The following RBFOX1 variants were observed in gnomAD, a reference collection of about 807,000 sequenced individuals.
The protein encoded by RBFOX1 is RNA binding protein fox-1 homolog 1.
RBFOX1 carries 8 observed loss-of-function variants against 57.7 expected under a neutral mutation model. The ratio of observed to expected loss-of-function variants is 0.14; its 90% CI spans 0.08 to 0.25. The LOEUF (loss-of-function observed/expected upper bound fraction) is 0.25. Among genes scored for constraint, RBFOX1 ranks in the 10% least tolerant of loss-of-function variants. The probability of loss-of-function intolerance (pLI) is 1.00; values close to 1 mark genes in which losing one functional copy is unlikely to be tolerated. For synonymous variants in RBFOX1, 326 were observed against 222.4 expected, an observed-to-expected ratio of 1.47 and a Z score of -4.15; for missense variants, 611 against 548.5, an observed-to-expected ratio of 1.11 and a Z score of -1.14.
At chr16:6,702,131 C>G (rs900331245) in intron 3 of RBFOX1, among the ~76,000 whole-genome samples, 3 of 152,176 alleles carry the variant, frequency 2.0e-5, no homozygotes, top group Non-Finnish European at 2.9e-5. Context: ...TGGTAAATCA[C>G]TCATTACAGC....
intron 5 of RBFOX1, among the ~76,000 whole-genome samples, chr16:7,564,220 T>A (rs969616720): frequency 6.6e-6 from 1 of 151,934 alleles, no homozygotes; most frequent in African/African-American, 2.4e-5. Flanking sequence ...AGAGCTTCCC[T>A]CCCTCTTCCA....
At chr16:5,298,255 A>G (rs796093294) in intron 1 of RBFOX1, among the ~76,000 whole-genome samples, 60 of 152,330 alleles carry the variant, frequency 3.9e-4, no homozygotes, top group African/African-American at 1.4e-3. Flanking sequence ...TGTGGTTCAA[A>G]TAAAATACAT....
chr16:6,870,881 C>T (rs893689399), intron 3 of RBFOX1, among the ~76,000 whole-genome samples: 6 of 152,146 alleles, frequency 3.9e-5, no homozygotes, highest in Non-Finnish European at 7.3e-5. Flanking sequence ...CTTTGAGAGA[C>T]TTGAATTAAA....
At chr16:5,890,570 G>A (rs2058022881) in intron 4 of RBFOX1, among the ~76,000 whole-genome samples, 1 of 152,010 alleles carries the variant, frequency 6.6e-6, no homozygotes, top group African/African-American at 2.4e-5. Context: ...GGTGGCTTGT[G>A]CCTGTAATCT....
chr16:6,361,938 A>G (rs759784733), intron 2 of RBFOX1, among the ~76,000 whole-genome samples: 1 of 152,110 alleles, frequency 6.6e-6, no homozygotes, highest in Non-Finnish European at 1.5e-5. Context: ...AACACTTCTC[A>G]TGAAGTCCCT....
At chr16:6,825,583 C>G (rs1041023167) in intron 3 of RBFOX1, among the ~76,000 whole-genome samples, 1 of 152,032 alleles carries the variant, frequency 6.6e-6, no homozygotes, top group Non-Finnish European at 1.5e-5. Context: ...TTTTTGAGTT[C>G]CATTTTCTCT....
At chr16:6,855,003 C>T (rs974009313) in intron 3 of RBFOX1, among the ~76,000 whole-genome samples, 1 of 151,490 alleles carries the variant, frequency 6.6e-6, no homozygotes, top group Non-Finnish European at 1.5e-5. Context: ...GCAAAGGAGT[C>T]AGTGCCACCT....
intron 2 of RBFOX1, among the ~76,000 whole-genome samples, chr16:5,533,171 T>A (rs2044554909): frequency 1.3e-5 from 2 of 152,040 alleles, no homozygotes; most frequent in South Asian, 4.2e-4. Context: ...AAGAACGTAT[T>A]TAGAAGGTTT....
intron 3 of RBFOX1, among the ~76,000 whole-genome samples, chr16:6,731,035 C>G (rs989776363): frequency 1.3e-5 from 2 of 152,112 alleles, no homozygotes; most frequent in Admixed American, 6.6e-5. Context: ...TGTTTGCAAC[C>G]CAGATCAGAA....
chr16:6,028,373 T>A (rs2095236271), intron 1 of RBFOX1, among the ~76,000 whole-genome samples: 1 of 151,838 alleles, frequency 6.6e-6, no homozygotes, highest in Admixed American at 6.6e-5. Context: ...GGTTGATACC[T>A]CTCTTTAAGA....
intron 1 of RBFOX1, among the ~76,000 whole-genome samples, chr16:6,217,271 T>A (rs1183524847): frequency 7.3e-6 from 1 of 136,176 alleles, no homozygotes; most frequent in African/African-American, 2.7e-5. Context: ...AGAACAAAAA[T>A]GTTGCCAAAA....
At chr16:7,193,426 C>A (rs1310546243) in intron 4 of RBFOX1, among the ~76,000 whole-genome samples, 1 of 152,202 alleles carries the variant, frequency 6.6e-6, no homozygotes, top group Non-Finnish European at 1.5e-5. Flanking sequence ...AACTACAGAA[C>A]TATAAGATGG....
At chr16:5,953,638 A>G (rs911511160) in intron 4 of RBFOX1, among the ~76,000 whole-genome samples, 1 of 151,824 alleles carries the variant, frequency 6.6e-6, no homozygotes, top group East Asian at 1.9e-4. Context: ...AATAGTCTCT[A>G]ATCTCATCCA....
chr16:6,180,891 G>C (rs984713970), intron 1 of RBFOX1, among the ~76,000 whole-genome samples: 8 of 151,998 alleles, frequency 5.3e-5, no homozygotes, highest in Admixed American at 3.9e-4. Flanking sequence ...CTTCATTTCT[G>C]AAAGTTTTTA....
chr16:5,929,315 C>CCT (rs112397291), intron 4 of RBFOX1, among the ~76,000 whole-genome samples: 259 of 147,990 alleles, frequency 1.8e-3, no homozygotes, highest in African/African-American at 4.5e-3. Context: ...CAGTCTTAAG[C>CCT]CTCTCTCTCT....
intron 3 of RBFOX1, among the ~76,000 whole-genome samples, chr16:6,848,427 C>G (rs545530078): frequency 2.6e-5 from 4 of 152,314 alleles, no homozygotes; most frequent in African/African-American, 7.2e-5. Flanking sequence ...CAAACAAACA[C>G]TTCTGTTGAC....
chr16:6,812,518 C>T (rs1383739425), intron 3 of RBFOX1, among the ~76,000 whole-genome samples: 1 of 152,008 alleles, frequency 6.6e-6, no homozygotes, highest in Admixed American at 6.6e-5. Context: ...GGATTACAGG[C>T]ACATGACACC....
At chr16:7,671,261 A>G (rs2071339083) in intron 13 of RBFOX1, among the ~76,000 whole-genome samples, 3 of 152,250 alleles carry the variant, frequency 2.0e-5, no homozygotes, top group Non-Finnish European at 4.4e-5. Flanking sequence ...ATATGCTTTA[A>G]GAGGCAAGAA....
chr16:5,775,103 C>T (rs892951359), intron 3 of RBFOX1, among the ~76,000 whole-genome samples: 1 of 152,178 alleles, frequency 6.6e-6, no homozygotes, highest in Admixed American at 6.5e-5. Context: ...ATAGCTTGAT[C>T]CTTGAGTGAT....
Sources: allele counts gnomAD v4.1 joint callset (sites outside exome capture counted in the v4.1 genomes callset), GRCh38; gene constraint gnomAD v4.1.1; transcripts MANE v1.5; gene names NCBI Gene and HGNC (gene_info 2026-07-23, HGNC 2026-07-21).